The following CSRP1 variants were observed in gnomAD, a reference collection of about 807,000 sequenced individuals.
The protein encoded by CSRP1 is cysteine and glycine rich protein 1.
CSRP1 carries 16 observed loss-of-function variants against 25.4 expected under a neutral mutation model. That is an observed-to-expected ratio of 0.63 (90% CI 0.43 to 0.96). The LOEUF (loss-of-function observed/expected upper bound fraction) is 0.96. CSRP1 is among the 40% of genes least tolerant of loss of function. CSRP1 has a pLI of 0.00. For synonymous variants in CSRP1, 97 were observed against 95.3 expected (o/e 1.02, Z -0.10); for missense variants, 212 against 243.6 (o/e 0.87, Z 0.86).
At chr1:201,506,860 C>G (rs374766606) in intron 1 of CSRP1, 1 of 152,416 alleles carries the variant, frequency 6.6e-6, no homozygotes, top group East Asian at 1.9e-4. Context: ...CAACTGTGTC[C>G]AGGAAGCCCA....
chr1:201,487,213 G>A, intron 4 of CSRP1: 1 of 252,814 alleles, frequency 4.0e-6, no homozygotes, highest in Non-Finnish European at 8.1e-6. Context: ...GCTGGTTCAA[G>A]ACCAGCCTGG....
intron 1 of CSRP1, among the ~76,000 whole-genome samples, chr1:201,498,295 C>A (rs6427911): frequency 0.03 from 4,642 of 152,260 alleles, 255 homozygotes; most frequent in African/African-American, 0.11. Context: ...AACAGAAGTT[C>A]ATGAGGGAAG....
chr1:201,493,692 A>G (rs1431795051), intron 2 of CSRP1, among the ~76,000 whole-genome samples: 1 of 152,230 alleles, frequency 6.6e-6, no homozygotes, highest in African/African-American at 2.4e-5. Flanking sequence ...ACATGGTCAC[A>G]ACTGCTTTTG....
chr1:201,485,296 C>A lies in CSRP1; in HGVS notation c.492G>T (p.Glu164Asp). The part of the protein sequence containing the change: ...ESTTLADKDG[E>D]IYCKGCYAKN... The stretch of plus-strand genomic sequence containing the variant: ...GAAAACACCCACCTTTGCAGTAAAT[C>A]TCGCCATCCTTGTCTGCCAGGGTGG... The change falls in exon 5 of 6, where the codon GAG (glutamate) becomes GAT (aspartate). Residue 164 changes from glutamate (E) to aspartate (D), a missense_variant. By Grantham distance (45) the Glu-to-Asp change is conservative (BLOSUM62 2). Transcript: ENST00000340006. 2 of 1,614,160 alleles carry A rather than the reference C, an allele frequency of 1.2e-6. No homozygotes were observed. The highest frequency in any genetic ancestry group is 2.2e-5 in the South Asian group (2 of 91,080).
At chr1:201,488,399 T>C (rs1473335200) in intron 4 of CSRP1, 1 of 153,138 alleles carries the variant, frequency 6.5e-6, no homozygotes, top group Non-Finnish European at 1.5e-5. Context: ...TTTGGATGGG[T>C]TTTTGGGAGT....
chr1:201,484,037 A>C lies in CSRP1; in HGVS notation c.*676T>G. ...GGAACTAGATGTTTGAGAAGATCAA[A>C]CAACATCCTGACTTTGGGGTCCTTA... On this transcript the variant is annotated 3_prime_UTR_variant, in exon 6 of 6. Coordinates refer to ENST00000340006, the MANE Select transcript of CSRP1 (RefSeq NM_004078.3). The C allele has an allele frequency of 1.4e-6, 1 of 697,084 alleles. No homozygotes were observed. The highest frequency in any genetic ancestry group is 2.7e-5 in the East Asian group (1 of 37,052). The allele number at this position is 697,084 out of a possible 1,614,324, so 43.2% of individuals were successfully genotyped here. A position where few individuals can be genotyped will look rare whatever the true frequency, so the allele number is the denominator to read the frequency against.
At chr1:201,501,509 T>C (rs1322808004) in intron 1 of CSRP1, among the ~76,000 whole-genome samples, 3 of 152,234 alleles carry the variant, frequency 2.0e-5, no homozygotes, top group Admixed American at 2.0e-4. Context: ...GGCTGGCGGC[T>C]AGAAGCCTGC....
chr1:201,485,681 C>T (rs1664113114), intron 4 of CSRP1: 2 of 377,536 alleles, frequency 5.3e-6, no homozygotes, highest in African/African-American at 2.0e-5. Flanking sequence ...TGTTACCCCA[C>T]TGGCTGGGCC....
At chr1:201,488,254 TG>T (rs1348203268) in intron 4 of CSRP1, 1 of 152,186 alleles carries the variant, frequency 6.6e-6, no homozygotes, top group Non-Finnish European at 1.5e-5. Flanking sequence ...TGATTCTCAC[TG>T]TGCATTGGTG....
At chr1:201,488,759 C>T in intron 4 of CSRP1, 96 bp downstream of exon 4, 1 of 1,481,204 alleles carries the variant, frequency 6.8e-7, no homozygotes, top group Non-Finnish European at 9.3e-7. Context: ...CTCAGGCTGC[C>T]CTGAGCAGAG....
chr1:201,484,164 C>T lies in CSRP1; in HGVS notation c.*549G>A, dbSNP rs1365938615. 1 of 607,490 alleles carries T rather than the reference C, an allele frequency of 1.6e-6. No individual in the cohort carries two copies. Among genetic ancestry groups the T allele is most frequent in the African/African-American group, 1.8e-5 (1 of 55,078 alleles). 37.6% of individuals were successfully genotyped at this position (607,490 alleles called of 1,614,324 possible). A position where few individuals can be genotyped will look rare whatever the true frequency, so the allele number is the denominator to read the frequency against. ...GAAGCAGGGGCTCCTAGGACCCTGC[C>T]TGCATGCCTCTCTGCCTCCAATAGT... On this transcript the variant is annotated 3_prime_UTR_variant, in exon 6 of 6. Transcript: ENST00000340006.
chr1:201,494,821 AGTGTGCGTGTGTGT>A (rs1409312337), intron 2 of CSRP1, among the ~76,000 whole-genome samples: 3 of 151,910 alleles, frequency 2.0e-5, no homozygotes, highest in Non-Finnish European at 4.4e-5. Flanking sequence ...ATCCCTCAGC[AGTGTGCGTGTGTGT>A]GTGTGCGTGT....
intron 1 of CSRP1, among the ~76,000 whole-genome samples, chr1:201,501,557 ATTAGGACTGTACCCAGATCCCCAG>A (rs1240811297): frequency 2.6e-5 from 4 of 152,294 alleles, no homozygotes; most frequent in South Asian, 2.1e-4. Context: ...TGGCTGTCCC[ATTAGGACTGTACCCAGATCCCCAG>A]TTAGGACTGT....
At chr1:201,504,361 A>G (rs940208707) in intron 1 of CSRP1, among the ~76,000 whole-genome samples, 1 of 152,218 alleles carries the variant, frequency 6.6e-6, no homozygotes. Flanking sequence ...GCAAGTGCAG[A>G]TATCTGGTTA....
rs139840909 is a variant in CSRP1 at position 201,493,196 on chromosome 1, G to A, written c.113-2852C>T. ...TTCAAGACCATGGGAGTATACTGTA[G>A]GCCCTCTCAGTCCCTGGTCCCAGGC... On this transcript the variant is annotated intron_variant, in intron 2 of 5. Transcript: ENST00000340006. Among the ~76,000 whole-genome samples the A allele has an allele frequency of 3.4e-3, 512 of 152,294 alleles. 11 individuals carry two copies. In the South Asian group the frequency reaches 0.055, roughly 16 times the overall value.
chr1:201,490,390 TGA>T, intron 2 of CSRP1, 46 bp from the exon 3 acceptor site: 1 of 1,596,328 alleles, frequency 6.3e-7, no homozygotes, highest in South Asian at 1.1e-5. Flanking sequence ...GAAGCTGGGG[TGA>T]CCTTCTTGCT....
At chr1:201,492,561 T>C (rs1275654112) in intron 2 of CSRP1, 1 of 151,838 alleles carries the variant, frequency 6.6e-6, no homozygotes, top group Non-Finnish European at 1.5e-5. Context: ...AAAGACTGGA[T>C]TTGTTGGAAA....
intron 1 of CSRP1, among the ~76,000 whole-genome samples, chr1:201,502,491 C>G (rs531504825): frequency 6.6e-6 from 1 of 152,344 alleles, no homozygotes; most frequent in African/African-American, 2.4e-5. Context: ...TCAGCCTCTC[C>G]TGAAGCTCAG....
At chr1:201,504,297 A>T (rs1031447138) in intron 1 of CSRP1, among the ~76,000 whole-genome samples, 1 of 152,246 alleles carries the variant, frequency 6.6e-6, no homozygotes, top group Non-Finnish European at 1.5e-5. Flanking sequence ...TAGCTACCTC[A>T]TAAATTGTCC....
Sources: allele counts gnomAD v4.1 joint callset (sites outside exome capture counted in the v4.1 genomes callset), GRCh38; gene constraint gnomAD v4.1.1; transcripts MANE v1.5; gene names NCBI Gene and HGNC (gene_info 2026-07-23, HGNC 2026-07-21).